Variants in DIAPH3 observed in about 807,000 individuals in gnomAD.
DIAPH3 encodes diaphanous related formin 3.
In DIAPH3, 117 loss-of-function variants were observed where a neutral mutation model predicts 144.3. The ratio of observed to expected loss-of-function variants is 0.81; its 90% CI spans 0.70 to 0.95. DIAPH3 has a LOEUF of 0.95. DIAPH3 is among the 40% of genes least tolerant of loss of function. The pLI, the probability that DIAPH3 is intolerant of heterozygous loss-of-function variation, is 0.00. For synonymous variants in DIAPH3, 519 were observed against 488.9 expected (o/e 1.06, Z -0.81); for missense variants, 1,421 against 1,412.7 (o/e 1.01, Z -0.09).
At chr13:59,824,982 G>A (rs2041299911) in intron 24 of DIAPH3, among the ~76,000 whole-genome samples, 1 of 151,966 alleles carries the variant, frequency 6.6e-6, no homozygotes, top group Admixed American at 6.6e-5. Flanking sequence ...CAAACTCAGA[G>A]AGTCCACATA....
intron 24 of DIAPH3, among the ~76,000 whole-genome samples, chr13:59,828,883 A>C (rs970645672): frequency 2.0e-5 from 3 of 151,928 alleles, no homozygotes; most frequent in African/African-American, 7.2e-5. Context: ...TTTAAAAAAA[A>C]AATTAATTCC....
chr13:60,077,581 T>G (rs1209453018), intron 4 of DIAPH3, among the ~76,000 whole-genome samples: 4 of 152,188 alleles, frequency 2.6e-5, no homozygotes, highest in Non-Finnish European at 5.9e-5. Flanking sequence ...CAGAGTACTC[T>G]AAGAGAAGTG....
At chr13:60,160,142 T>C (rs1288950997) in intron 1 of DIAPH3, among the ~76,000 whole-genome samples, 3 of 152,056 alleles carry the variant, frequency 2.0e-5, no homozygotes, top group African/African-American at 2.4e-5. Flanking sequence ...GAGAATGGCA[T>C]GAACCCGAGA....
At chr13:59,991,130 A>G (rs1461047256) in intron 12 of DIAPH3, 28 bp downstream of exon 12, 1 of 1,406,338 alleles carries the variant, frequency 7.1e-7, no homozygotes, top group African/African-American at 1.4e-5. Flanking sequence ...TTAGTGAAAG[A>G]AAACATTAGA....
intron 12 of DIAPH3, among the ~76,000 whole-genome samples, chr13:59,987,481 A>G (rs1240250273): frequency 7.3e-6 from 1 of 136,512 alleles, no homozygotes; most frequent in Non-Finnish European, 1.5e-5. Context: ...ATAATAAAAA[A>G]AAAAAAAAGA....
chr13:59,723,778 T>A (rs1209041237), intron 27 of DIAPH3, among the ~76,000 whole-genome samples: 1 of 141,172 alleles, frequency 7.1e-6, no homozygotes, highest in African/African-American at 3.1e-5. Flanking sequence ...ACCCAGCTAA[T>A]TTTTTTTTGT....
At chr13:59,811,529 T>G (rs1475668042) in intron 24 of DIAPH3, among the ~76,000 whole-genome samples, 4 of 151,836 alleles carry the variant, frequency 2.6e-5, no homozygotes, top group South Asian at 2.1e-4. Flanking sequence ...ATAAGGTCAG[T>G]AGATCGAGAC....
At chr13:59,760,142 T>G (rs2037503286) in intron 27 of DIAPH3, among the ~76,000 whole-genome samples, 1 of 152,220 alleles carries the variant, frequency 6.6e-6, no homozygotes, top group African/African-American at 2.4e-5. Flanking sequence ...ACTTTTTTCT[T>G]CTGGCATATT....
chr13:59,818,511 A>C (rs889839775), intron 24 of DIAPH3, among the ~76,000 whole-genome samples: 2 of 151,628 alleles, frequency 1.3e-5, no homozygotes, highest in East Asian at 3.9e-4. Flanking sequence ...AGTGTTCTGC[A>C]GCTTCATTAT....
At chr13:60,128,499 G>C (rs1337679335) in intron 2 of DIAPH3, among the ~76,000 whole-genome samples, 2 of 152,106 alleles carry the variant, frequency 1.3e-5, no homozygotes, top group Non-Finnish European at 2.9e-5. Context: ...AATTATAAAT[G>C]CACGGTTTAC....
At chr13:59,980,736 A>G in intron 14 of DIAPH3, 59 bp downstream of exon 14, 1 of 1,450,726 alleles carries the variant, frequency 6.9e-7, no homozygotes, top group South Asian at 1.1e-5. Context: ...TCCCTGAGGC[A>G]GAAGCATGCC....
At chr13:59,847,680 G>A (rs2042724871) in intron 22 of DIAPH3, among the ~76,000 whole-genome samples, 1 of 152,142 alleles carries the variant, frequency 6.6e-6, no homozygotes, top group Non-Finnish European at 1.5e-5. Flanking sequence ...GTACATGGGA[G>A]GGCAATTTTA....
At position 59,738,287 on chromosome 13, in the gene DIAPH3, G is replaced by T. The variant is rs370326783; in HGVS notation, c.3319+35902C>A. 2.5e-3 allele frequency among the ~76,000 whole-genome samples: 381 copies of T among 152,222 alleles called. 2 individuals carry two copies. Among genetic ancestry groups the T allele is most frequent in the Non-Finnish European group, 4.1e-3 (281 of 68,014 alleles). Reference sequence around the variant, plus strand: ...TCATCTTAGTAGAGATCCTGCTCAAGAAGGTGGCCTGCCAAAGCAAGGGGA... The same window carrying T: ...TCATCTTAGTAGAGATCCTGCTCAATAAGGTGGCCTGCCAAAGCAAGGGGA... On this transcript the variant is annotated intron_variant, in intron 27 of 27. Coordinates refer to ENST00000400324, the MANE Select transcript of DIAPH3 (RefSeq NM_001042517.2).
chr13:59,716,380 T>C (rs1202042548), intron 27 of DIAPH3, among the ~76,000 whole-genome samples: 2 of 152,194 alleles, frequency 1.3e-5, no homozygotes, highest in Non-Finnish European at 2.9e-5. Context: ...TTTCACCATG[T>C]TAGCCAGGAT....
chr13:59,770,779 C>T (rs996359487), intron 27 of DIAPH3, among the ~76,000 whole-genome samples: 5 of 152,076 alleles, frequency 3.3e-5, no homozygotes, highest in African/African-American at 4.8e-5. Flanking sequence ...TGGCATTTAC[C>T]AAAAGTAGGG....
At chr13:59,993,172 A>G (rs972116683) in intron 9 of DIAPH3, among the ~76,000 whole-genome samples, 1 of 151,906 alleles carries the variant, frequency 6.6e-6, no homozygotes, top group African/African-American at 2.4e-5. Context: ...CCAGAAATAA[A>G]TAACAGAGCT....
At chr13:60,142,304 G>A (rs1488499254) in intron 1 of DIAPH3, among the ~76,000 whole-genome samples, 1 of 152,106 alleles carries the variant, frequency 6.6e-6, no homozygotes, top group Non-Finnish European at 1.5e-5. Context: ...AAGTGGCTTA[G>A]TTATGCTTCC....
chr13:59,859,404 T>C (rs2043445484), intron 22 of DIAPH3, among the ~76,000 whole-genome samples: 2 of 152,122 alleles, frequency 1.3e-5, no homozygotes, highest in Admixed American at 1.3e-4. Flanking sequence ...TGCAAGTCCT[T>C]ATCAAAGGTA....
chr13:60,009,173 T>A (rs1402943947), intron 8 of DIAPH3, among the ~76,000 whole-genome samples: 1 of 152,144 alleles, frequency 6.6e-6, no homozygotes, highest in Non-Finnish European at 1.5e-5. Flanking sequence ...TATAATAGTA[T>A]GGTATTATAA....
Sources: gnomAD v4.1 joint callset for allele counts (sites outside exome capture counted in the v4.1 genomes callset) on GRCh38, gnomAD v4.1.1 for gene constraint, MANE v1.5 for transcripts, NCBI Gene and HGNC (gene_info 2026-07-23, HGNC 2026-07-21) for gene names.